The following DDHD2 variants were observed in gnomAD, a reference collection of about 807,000 sequenced individuals.
The protein encoded by DDHD2 is DDHD domain containing 2, also known as triacylglycerol hydrolase DDHD2.
Under a neutral mutation model 91.2 loss-of-function variants are expected in DDHD2, and 62 were observed. That is an observed-to-expected ratio of 0.68 (90% CI 0.55 to 0.84). DDHD2 has a LOEUF of 0.84. Ranked by LOEUF, DDHD2 falls within the 40% of genes least tolerant of loss-of-function variation. The probability of loss-of-function intolerance (pLI) is 0.00; values close to 1 mark genes in which losing one functional copy is unlikely to be tolerated. For missense variants in DDHD2, 740 were observed against 846.9 expected, an observed-to-expected ratio of 0.87 and a Z score of 1.57; for synonymous variants, 271 against 293.9, an observed-to-expected ratio of 0.92 and a Z score of 0.80.
chr8:38,252,610 C>T, intron 13 of DDHD2, 112 bp from the exon 14 acceptor site: 1 of 778,550 alleles, frequency 1.3e-6, no homozygotes, highest in South Asian at 1.9e-5. Context: ...CCACTGCACT[C>T]CAGCCTGGGT....
chr8:38,234,493 C>G lies in DDHD2; in HGVS notation c.320C>G (p.Ala107Gly). 1 of 1,613,264 alleles carries G rather than the reference C, an allele frequency of 6.2e-7. No individual in the cohort carries two copies. Among genetic ancestry groups the G allele is most frequent in the Non-Finnish European group, 8.5e-7 (1 of 1,179,824 alleles). The change falls in exon 3 of 18, where the codon GCA becomes GGA. Residue 107 changes from alanine to glycine, a missense_variant. Ala to Gly is a moderately conservative substitution (Grantham distance 60). Around this residue, in one of 2 missense-constraint regions of DDHD2, gnomAD observed 693 missense variants for 764.2 expected, o/e 0.91. Coordinates refer to ENST00000397166, the MANE Select transcript of DDHD2 (RefSeq NM_015214.3). Reference sequence around the variant, plus strand: ...TATGCTGTATACTGGGATGAACTGGCATCGGAAGTGAGACGATGTACGTGG... The same window carrying G: ...TATGCTGTATACTGGGATGAACTGGGATCGGAAGTGAGACGATGTACGTGG... ...MRYAVYWDELASEVRRCTWFY... is the reference protein window; with the variant it reads ...MRYAVYWDELGSEVRRCTWFY...
intron 1 of DDHD2, chr8:38,268,661 C>T: frequency 1.4e-6 from 2 of 1,433,218 alleles, no homozygotes; most frequent in East Asian, 5.0e-5. Flanking sequence ...GGCTGAGGCA[C>T]AGAGCGCCCG....
chr8:38,234,314 T>G (rs1804529843), intron 2 of DDHD2, 80 bp from the exon 3 acceptor site: 1 of 1,053,546 alleles, frequency 9.5e-7, no homozygotes, highest in Non-Finnish European at 1.3e-6. Context: ...ATAACATTAT[T>G]TAGAGTATAA....
In DDHD2 at chr8:38,249,764, G is replaced by T; in HGVS notation, c.1305G>T (p.Lys435Asn). Residue 435 changes from lysine to asparagine, a missense_variant, in exon 11 of 18, where the codon AAG becomes AAT. Around this residue, in one of 2 missense-constraint regions of DDHD2, gnomAD observed 693 missense variants for 764.2 expected, o/e 0.91. Transcript: ENST00000397166. ...QEIGIPLGPR[K>N]KILNYFSTRK... ...TAGGAATTCCTTTAGGACCAAGAAA[G>T]AAGATATTAAACTATTTCAGCACCA... 1 of 1,612,256 alleles carries T rather than the reference G, an allele frequency of 6.2e-7. No homozygotes were observed. Among genetic ancestry groups the T allele is most frequent in the Non-Finnish European group, 8.5e-7 (1 of 1,178,782 alleles).
At chr8:38,267,781 G>A (rs550941527), downstream of DDHD2, 49 of 1,082,172 alleles carry the variant, frequency 4.5e-5, no homozygotes, top group African/African-American at 7.8e-5. Context: ...AGAAAAATCA[G>A]AGTGAAGATA....
downstream of DDHD2, chr8:38,267,026 A>G: frequency 7.1e-7 from 1 of 1,399,890 alleles, no homozygotes; most frequent in Non-Finnish European, 9.3e-7. Flanking sequence ...TGCAGGATCT[A>G]GGCAAATAAT....
chr8:38,244,652 G>A (rs926784217), intron 7 of DDHD2, among the ~76,000 whole-genome samples: 2 of 151,798 alleles, frequency 1.3e-5, no homozygotes, highest in African/African-American at 4.8e-5. Flanking sequence ...TGCAACTTCC[G>A]CCTCCTGGGT....
chr8:38,267,337 G>A (rs1170782522), downstream of DDHD2: 1 of 1,614,012 alleles, frequency 6.2e-7, no homozygotes. Flanking sequence ...TACACATCAA[G>A]TCAGAATGGG....
chr8:38,253,014 C>T lies in DDHD2; in HGVS notation c.1778C>T (p.Ser593Leu), dbSNP rs371592123. The T allele has an allele frequency of 1.7e-5, 28 of 1,614,090 alleles. No homozygotes were observed. Among genetic ancestry groups the T allele is most frequent in the Admixed American group, 5.0e-5 (3 of 60,014 alleles). Residue 593 changes from serine to leucine, a missense_variant, in exon 15 of 18, where the codon TCG (serine) becomes TTG (leucine). Ser to Leu is a moderately radical substitution (Grantham distance 145). Coordinates refer to ENST00000397166, the MANE Select transcript of DDHD2 (RefSeq NM_015214.3). ...GACCTTAAGAACAACTTGCTAGGTTCGCTGCGGATGGCCTGGAAGTCTTTT... is the reference window on the plus strand; with the variant it reads ...GACCTTAAGAACAACTTGCTAGGTTTGCTGCGGATGGCCTGGAAGTCTTTT... ...SMDLKNNLLG[S>L]LRMAWKSFTR...
intron 7 of DDHD2, among the ~76,000 whole-genome samples, chr8:38,245,105 T>A (rs975024181): frequency 2.0e-5 from 3 of 151,890 alleles, no homozygotes; most frequent in Non-Finnish European, 4.4e-5. Context: ...ATAAAGCCCA[T>A]ACCTTGCAAT....
intron 1 of DDHD2, 35 bp from the exon 2 acceptor site, chr8:38,232,952 A>G (rs1274597392): frequency 6.5e-7 from 1 of 1,539,664 alleles, no homozygotes; most frequent in East Asian, 2.3e-5. Flanking sequence ...TACACAGTTA[A>G]GTTCGTTTTC....
chr8:38,266,508 C>T, downstream of DDHD2: 1 of 526,652 alleles, frequency 1.9e-6, no homozygotes, highest in South Asian at 2.3e-5. Context: ...TCAAGCGATT[C>T]TCCTGCCTTA....
At chr8:38,256,550 C>T (rs1241759371) in intron 16 of DDHD2, among the ~76,000 whole-genome samples, 3 of 152,024 alleles carry the variant, frequency 2.0e-5, no homozygotes, top group South Asian at 2.1e-4. Context: ...GTCAAACTCC[C>T]GGCCTCAAGC....
intron 1 of DDHD2, chr8:38,268,276 C>G (rs1808022590): frequency 8.4e-7 from 1 of 1,191,984 alleles, no homozygotes; most frequent in Non-Finnish European, 1.2e-6. Context: ...ATGCAGAACT[C>G]AGTGGCCTCC....
At chr8:38,243,485 A>G (rs16887273) in intron 7 of DDHD2, among the ~76,000 whole-genome samples, 30,812 of 152,040 alleles carry the variant, frequency 0.2, 3,413 homozygotes, top group East Asian at 0.31. Context: ...TTTTGTTCAC[A>G]GAAGTAGTAT....
downstream of DDHD2, chr8:38,265,769 A>G (rs1807497109): frequency 6.2e-6 from 1 of 162,498 alleles, no homozygotes; most frequent in Non-Finnish European, 1.3e-5. Flanking sequence ...TTCAGCTTAA[A>G]TTTGTTTGGT....
chr8:38,251,790 A>C, intron 11 of DDHD2, 122 bp from the exon 12 acceptor site: 1 of 647,056 alleles, frequency 1.5e-6, no homozygotes, highest in East Asian at 2.7e-5. Context: ...CCCACGTTGG[A>C]CTTGAACTCT....
chr8:38,242,115 A>AG (rs1805310444), intron 6 of DDHD2, 135 bp from the exon 7 acceptor site: 1 of 689,212 alleles, frequency 1.5e-6, no homozygotes, highest in African/African-American at 1.9e-5. Context: ...TTTCCTGAAT[A>AG]CCACTTTATT....
rs752920164 is a variant in DDHD2, at chr8:38,268,978, C to T, written n.88-2144C>T. 3 of 1,572,964 alleles carry T rather than the reference C, an allele frequency of 1.9e-6. No homozygotes were observed. The South Asian group carries it at 3.4e-5, about 18-fold the overall frequency. On this transcript the variant is annotated intron_variant and non_coding_transcript_variant, in intron 1 of 1. Transcript: ENST00000526071. ...GGATGAGTCTCTGGAACGGGGGGAG[C>T]AGCTCCGTCACCCTAGAGGGGAACA...
Sources: gnomAD v4.1 joint callset for allele counts (sites outside exome capture counted in the v4.1 genomes callset) on GRCh38, gnomAD v4.1.1 for gene constraint, gnomAD v4.1.1 regional missense constraint, MANE v1.5 for transcripts, NCBI Gene and HGNC (gene_info 2026-07-23, HGNC 2026-07-21) for gene names.